Variants in TAF3 observed in about 807,000 individuals in gnomAD.
TAF3 encodes transcription initiation factor TFIID subunit 3.
A neutral mutation model predicts 80.6 loss-of-function variants in TAF3; 7 were observed. The ratio of observed to expected loss-of-function variants is 0.09; its 90% CI spans 0.05 to 0.16. TAF3 has a LOEUF of 0.16. TAF3 is among the 10% of genes least tolerant of loss of function. TAF3 has a pLI of 1.00. For synonymous variants in TAF3, 444 were observed against 446.1 expected (o/e 1.00, Z 0.06); for missense variants, 921 against 1,140.2 (o/e 0.81, Z 2.77).
chr10:8,002,848 T>C (rs1360337314), intron 4 of TAF3, among the ~76,000 whole-genome samples: 1 of 152,234 alleles, frequency 6.6e-6, no homozygotes, highest in Non-Finnish European at 1.5e-5. Flanking sequence ...TTTTGCTTTA[T>C]ATGTTTTGCA....
chr10:7,966,969 A>G (rs1831577129), intron 3 of TAF3, among the ~76,000 whole-genome samples: 1 of 152,232 alleles, frequency 6.6e-6, no homozygotes, highest in African/African-American at 2.4e-5. Flanking sequence ...CATTTTATTT[A>G]TTATTATGCA....
At chr10:7,941,781 G>A (rs986415006) in intron 2 of TAF3, among the ~76,000 whole-genome samples, 1 of 152,162 alleles carries the variant, frequency 6.6e-6, no homozygotes, top group African/African-American at 2.4e-5. Context: ...GTGGTAGCTG[G>A]GTTTTTACAC....
chr10:7,818,757 G>A lies in TAF3; in HGVS notation c.48G>A (p.Gln16=). The change falls in exon 1 of 7, where the codon CAG becomes CAA. Residue 16 remains glutamine, a synonymous_variant. Coordinates refer to ENST00000344293, the MANE Select transcript of TAF3 (RefSeq NM_031923.4). ...CGTTGTTGAGGGTCTCGGTGGCGCA[G>A]ATCTGCCAGGCGCTGGGCTGGGACT... The part of the protein sequence containing the change: ...SRSLLRVSVA[Q]ICQALGWDSV... 6.3e-7 allele frequency: 1 copy of A among 1,579,798 alleles called. No homozygotes were observed. Among genetic ancestry groups the A allele is most frequent in the Non-Finnish European group, 8.6e-7 (1 of 1,168,006 alleles).
At chr10:7,914,673 G>A (rs1340267907) in intron 2 of TAF3, among the ~76,000 whole-genome samples, 2 of 152,164 alleles carry the variant, frequency 1.3e-5, no homozygotes, top group African/African-American at 4.8e-5. Flanking sequence ...TATTATAAAT[G>A]TCTAGTTTCT....
intron 1 of TAF3, among the ~76,000 whole-genome samples, chr10:7,822,623 C>A (rs1205255588): frequency 6.6e-6 from 1 of 152,138 alleles, no homozygotes; most frequent in African/African-American, 2.4e-5. Context: ...CCAGAGGTTT[C>A]TGTATGCATT....
intron 2 of TAF3, among the ~76,000 whole-genome samples, chr10:7,832,752 G>T (rs1159928805): frequency 6.6e-6 from 1 of 152,138 alleles, no homozygotes; most frequent in Non-Finnish European, 1.5e-5. Flanking sequence ...ATTTCACCAT[G>T]TTGGCCAGGC....
In TAF3 at chr10:7,825,710, T is replaced by A. The variant is rs12766242; in HGVS notation, c.409+1150T>A. ...TGTGTGTTTAAGGCAGAATAATATA[T>A]GTACATTCCACATTTGTTTATCCAT... On this transcript the variant is annotated intron_variant, in intron 2 of 6. Coordinates refer to ENST00000344293, the MANE Select transcript of TAF3 (RefSeq NM_031923.4). Among the ~76,000 whole-genome samples, 844 of 152,352 alleles carry A rather than the reference T, an allele frequency of 5.5e-3. 8 individuals carry two copies. Among genetic ancestry groups the A allele is most frequent in the South Asian group, 0.024 (115 of 4,834 alleles).
intron 3 of TAF3, among the ~76,000 whole-genome samples, chr10:7,973,867 C>T (rs944509951): frequency 1.3e-5 from 2 of 152,180 alleles, no homozygotes; most frequent in South Asian, 2.1e-4. Context: ...CGGTGGCTCA[C>T]GCCTGTTATC....
chr10:7,904,274 G>C (rs958224587), intron 2 of TAF3, among the ~76,000 whole-genome samples: 5 of 152,312 alleles, frequency 3.3e-5, no homozygotes, highest in African/African-American at 1.2e-4. Context: ...CAGAGGCCCT[G>C]AAATGTTGCT....
At chr10:7,988,622 GCA>G (rs2131426626) in intron 4 of TAF3, among the ~76,000 whole-genome samples, 1 of 134,398 alleles carries the variant, frequency 7.4e-6, no homozygotes, top group African/African-American at 2.7e-5. Context: ...ATAATGGTGT[GCA>G]CCTGTAGTCC....
At chr10:7,902,468 T>A (rs1837567569) in intron 2 of TAF3, among the ~76,000 whole-genome samples, 1 of 152,096 alleles carries the variant, frequency 6.6e-6, no homozygotes, top group Non-Finnish European at 1.5e-5. Flanking sequence ...GAGATGTTAT[T>A]AAGAGTCCGG....
chr10:7,881,312 T>A (rs1337234290), intron 2 of TAF3, among the ~76,000 whole-genome samples: 1 of 152,130 alleles, frequency 6.6e-6, no homozygotes, highest in Admixed American at 6.5e-5. Context: ...TCGCAATACT[T>A]TACTGTATCT....
At chr10:7,944,113 GT>G (rs1838001842) in intron 2 of TAF3, among the ~76,000 whole-genome samples, 4 of 151,524 alleles carry the variant, frequency 2.6e-5, no homozygotes, top group Non-Finnish European at 4.4e-5. Context: ...GTGTGTGTGT[GT>G]GTGTGTGTGT....
At chr10:7,957,792 G>GATCTCT (rs1554785371) in intron 2 of TAF3, among the ~76,000 whole-genome samples, 1 of 134,288 alleles carries the variant, frequency 7.4e-6, no homozygotes, top group Admixed American at 7.3e-5. Context: ...TCTCTCTAGC[G>GATCTCT]CGCTCTCTCT....
At chr10:7,958,180 G>A (rs1588566098) in intron 2 of TAF3, among the ~76,000 whole-genome samples, 1 of 152,166 alleles carries the variant, frequency 6.6e-6, no homozygotes, top group East Asian at 1.9e-4. Flanking sequence ...CATTACACAT[G>A]TATCTTATTC....
intron 2 of TAF3, among the ~76,000 whole-genome samples, chr10:7,921,039 T>C (rs1403068672): frequency 2.0e-5 from 3 of 152,142 alleles, no homozygotes; most frequent in African/African-American, 7.2e-5. Flanking sequence ...TAGATAATTC[T>C]CAGGAGCTCT....
intron 2 of TAF3, among the ~76,000 whole-genome samples, chr10:7,917,644 G>A (rs575694155): frequency 6.6e-5 from 10 of 152,340 alleles, no homozygotes; most frequent in African/African-American, 2.4e-4. Flanking sequence ...AATAGGTCGG[G>A]TTCTGAGGCC....
At chr10:7,903,517 A>C (rs1275856060) in intron 2 of TAF3, among the ~76,000 whole-genome samples, 1 of 152,234 alleles carries the variant, frequency 6.6e-6, no homozygotes, top group African/African-American at 2.4e-5. Flanking sequence ...GTTTAACTGT[A>C]TTGTAAGCCT....
At chr10:7,997,020 C>G (rs894806298) in intron 4 of TAF3, among the ~76,000 whole-genome samples, 1 of 152,120 alleles carries the variant, frequency 6.6e-6, no homozygotes, top group Non-Finnish European at 1.5e-5. Context: ...TAAAATACAA[C>G]ATGGGAATCT....
Sources: gnomAD v4.1 joint callset for allele counts (sites outside exome capture counted in the v4.1 genomes callset) on GRCh38, gnomAD v4.1.1 for gene constraint, MANE v1.5 for transcripts, NCBI Gene and HGNC (gene_info 2026-07-23, HGNC 2026-07-21) for gene names.